The following ASCC3 variants were observed in gnomAD, a reference collection of about 807,000 sequenced individuals.
ASCC3 encodes activating signal cointegrator 1 complex subunit 3.
A neutral mutation model predicts 256.3 loss-of-function variants in ASCC3; 158 were observed. The observed-to-expected ratio is 0.62, with a 90% CI of 0.54 to 0.70. ASCC3 has a LOEUF of 0.70. Among genes scored for constraint, ASCC3 ranks in the 30% least tolerant of loss-of-function variants. The pLI is 0.00. For synonymous variants in ASCC3, 948 were observed against 883.4 expected, an observed-to-expected ratio of 1.07 and a Z score of -1.30; for missense variants, 2,259 against 2,626.0, an observed-to-expected ratio of 0.86 and a Z score of 3.05.
chr6:100,629,817 G>A (rs1345261165), intron 26 of ASCC3, among the ~76,000 whole-genome samples: 1 of 151,796 alleles, frequency 6.6e-6, no homozygotes, highest in Non-Finnish European at 1.5e-5. Context: ...TAGATCTAGA[G>A]GAATTACCTA....
At chr6:100,725,237 G>C (rs1004513255) in intron 11 of ASCC3, among the ~76,000 whole-genome samples, 1 of 151,836 alleles carries the variant, frequency 6.6e-6, no homozygotes, top group Non-Finnish European at 1.5e-5. Context: ...GAAAACATCA[G>C]TTAAAAACTC....
At chr6:100,718,624 G>A (rs1450723478) in intron 11 of ASCC3, among the ~76,000 whole-genome samples, 1 of 152,036 alleles carries the variant, frequency 6.6e-6, no homozygotes, top group African/African-American at 2.4e-5. Context: ...AACTGGTGTG[G>A]TGGCACACAT....
intron 36 of ASCC3, among the ~76,000 whole-genome samples, chr6:100,562,438 A>G (rs1009040357): frequency 1.3e-5 from 2 of 152,098 alleles, no homozygotes; most frequent in African/African-American, 2.4e-5. Context: ...ATTATTAATC[A>G]GTAGGTAGAT....
chr6:100,673,003 G>A (rs1776826812), intron 14 of ASCC3, among the ~76,000 whole-genome samples: 1 of 152,010 alleles, frequency 6.6e-6, no homozygotes, highest in Non-Finnish European at 1.5e-5. Flanking sequence ...ACCCAGACTA[G>A]CCTAATCCCA....
At chr6:100,651,782 A>AT (rs1775683726) in intron 18 of ASCC3, 136 bp from the exon 19 acceptor site, 2 of 319,640 alleles carry the variant, frequency 6.3e-6, no homozygotes, top group South Asian at 1.7e-4. Flanking sequence ...GTGTTACAGT[A>AT]TTTAAAGTCA....
Position 100,760,219 on chromosome 6 carries a change from G to A in ASCC3, c.1737+6346C>T, listed in dbSNP as rs145686116. On this transcript the variant is annotated intron_variant, in intron 10 of 41. Transcript: ENST00000369162. ...AGGAGTGGTGAGAGAGGGCATCCTT[G>A]TCTTGTACTGGTTTTCAAAGGGAAT... Among the ~76,000 whole-genome samples, 1,947 of 152,172 alleles carry A rather than the reference G, an allele frequency of 0.013. 101 individuals are homozygous for A. The East Asian group carries it at 0.15, about 12-fold the overall frequency.
chr6:100,605,425 A>G, intron 33 of ASCC3, 143 bp downstream of exon 33: 1 of 671,292 alleles, frequency 1.5e-6, no homozygotes, highest in Non-Finnish European at 2.5e-6. Flanking sequence ...ATATTGTCAT[A>G]AAGTGATAAT....
At chr6:100,830,694 C>G (rs1445062585) in intron 4 of ASCC3, among the ~76,000 whole-genome samples, 1 of 152,176 alleles carries the variant, frequency 6.6e-6, no homozygotes, top group East Asian at 1.9e-4. Context: ...ATCAATCTTT[C>G]TACTTAAGGG....
intron 3 of ASCC3, among the ~76,000 whole-genome samples, chr6:100,849,095 A>T (rs1020936161): frequency 6.6e-6 from 1 of 152,168 alleles, no homozygotes; most frequent in African/African-American, 2.4e-5. Flanking sequence ...ACAGTGTGAG[A>T]CCTTGTAAAA....
chr6:100,646,498 A>G, intron 22 of ASCC3, 117 bp downstream of exon 22: 3 of 1,131,018 alleles, frequency 2.7e-6, no homozygotes, highest in Non-Finnish European at 1.2e-6. Context: ...TTTTAAAATA[A>G]ATCCTCAATA....
intron 30 of ASCC3, among the ~76,000 whole-genome samples, chr6:100,620,212 A>T (rs1373584923): frequency 6.6e-6 from 1 of 152,156 alleles, no homozygotes; most frequent in Non-Finnish European, 1.5e-5. Flanking sequence ...TTGAAGCTTG[A>T]GAGAATGATG....
At chr6:100,730,259 T>G (rs58745408) in intron 10 of ASCC3, among the ~76,000 whole-genome samples, 3,080 of 151,802 alleles carry the variant, frequency 0.02, 102 homozygotes, top group African/African-American at 0.072. Flanking sequence ...ATCATGCCAC[T>G]GCACTCCAGC....
intron 10 of ASCC3, among the ~76,000 whole-genome samples, chr6:100,747,741 A>T (rs183387924): frequency 6.2e-4 from 94 of 152,232 alleles, no homozygotes; most frequent in Non-Finnish European, 1.1e-3. Context: ...AGGAAGAGAG[A>T]GGGATGAATT....
chr6:100,522,734 ACT>A (rs1248808742), intron 37 of ASCC3, among the ~76,000 whole-genome samples: 1 of 151,632 alleles, frequency 6.6e-6, no homozygotes, highest in Non-Finnish European at 1.5e-5. Context: ...TTTGTCAAAC[ACT>A]CTGTTAACCA....
chr6:100,515,836 GC>G (rs1311029381), intron 39 of ASCC3, among the ~76,000 whole-genome samples: 2 of 152,096 alleles, frequency 1.3e-5, no homozygotes, highest in Non-Finnish European at 2.9e-5. Context: ...GCTACATGAG[GC>G]TTTTCGCAGC....
chr6:100,861,093 C>G (rs1041882933), intron 3 of ASCC3, among the ~76,000 whole-genome samples: 1 of 152,142 alleles, frequency 6.6e-6, no homozygotes, highest in Admixed American at 6.5e-5. Context: ...GGTAAATATA[C>G]AGAGTAAATT....
At chr6:100,784,926 T>A (rs1342844682) in intron 8 of ASCC3, among the ~76,000 whole-genome samples, 1 of 152,062 alleles carries the variant, frequency 6.6e-6, no homozygotes, top group Non-Finnish European at 1.5e-5. Flanking sequence ...TAATACAAAA[T>A]AACTGACTAA....
intron 25 of ASCC3, among the ~76,000 whole-genome samples, chr6:100,633,314 T>C (rs1226769191): frequency 6.6e-6 from 1 of 152,106 alleles, no homozygotes; most frequent in African/African-American, 2.4e-5. Context: ...TTAGTAACTG[T>C]CTTGTTTACT....
intron 25 of ASCC3, among the ~76,000 whole-genome samples, chr6:100,637,502 G>A (rs529116902): frequency 9.9e-5 from 15 of 152,158 alleles, no homozygotes; most frequent in Middle Eastern, 6.8e-3. Flanking sequence ...GGGATATAGG[G>A]GTAATTTTGG....
Sources: gnomAD v4.1 joint callset for allele counts (sites outside exome capture counted in the v4.1 genomes callset) on GRCh38, gnomAD v4.1.1 for gene constraint, MANE v1.5 for transcripts, NCBI Gene and HGNC (gene_info 2026-07-23, HGNC 2026-07-21) for gene names.